Variants in HERC2 observed in about 807,000 individuals in gnomAD.
HERC2 encodes HECT and RLD domain containing E3 ubiquitin protein ligase 2.
Under a neutral mutation model 537.7 loss-of-function variants are expected in HERC2, and 102 were observed. The observed-to-expected ratio is 0.19, with a 90% CI of 0.16 to 0.22. HERC2 has a LOEUF of 0.22. HERC2 is among the 10% of genes least tolerant of loss of function. The pLI is 1.00. For synonymous variants in HERC2, 2,224 were observed against 2,466.2 expected (o/e 0.90, Z 2.91); for missense variants, 4,236 against 6,198.2 (o/e 0.68, Z 10.63).
intron 70 of HERC2, among the ~76,000 whole-genome samples, chr15:28,147,507 C>T (rs1299754429): frequency 6.6e-6 from 1 of 151,592 alleles, no homozygotes; most frequent in Non-Finnish European, 1.5e-5. Context: ...ATTAGCTGGG[C>T]ACGGCCTATA....
chr15:28,169,289 A>T (rs1002047675), intron 66 of HERC2, among the ~76,000 whole-genome samples, 195 bp downstream of exon 66: 2 of 152,246 alleles, frequency 1.3e-5, no homozygotes, highest in African/African-American at 4.8e-5. Context: ...TTTCTAATTC[A>T]TATTTCAATG....
chr15:28,217,069 C>T (rs1308689881), intron 38 of HERC2, among the ~76,000 whole-genome samples: 2 of 152,190 alleles, frequency 1.3e-5, no homozygotes, highest in East Asian at 3.8e-4. Flanking sequence ...CACTCATACA[C>T]ATTTACACAA....
At chr15:28,173,942 C>T (rs942674628) in intron 65 of HERC2, among the ~76,000 whole-genome samples, 53 of 151,876 alleles carry the variant, frequency 3.5e-4, no homozygotes, top group South Asian at 2.1e-4. Flanking sequence ...CAGAGAGGAA[C>T]GCTGGGGTAG....
intron 69 of HERC2, among the ~76,000 whole-genome samples, chr15:28,162,050 C>T (rs751930096): frequency 5.9e-5 from 9 of 152,126 alleles, no homozygotes; most frequent in South Asian, 2.1e-4. Flanking sequence ...AGAAGAAGGC[C>T]GGGCATGGTG....
intron 57 of HERC2, among the ~76,000 whole-genome samples, chr15:28,180,392 C>G (rs1201786178): frequency 6.6e-6 from 1 of 152,194 alleles, no homozygotes; most frequent in African/African-American, 2.4e-5. Flanking sequence ...ATATCCCCAT[C>G]ATTAAGTAAT....
At chr15:28,167,595 T>TAGAC in intron 68 of HERC2, 92 bp downstream of exon 68, 1 of 1,474,548 alleles carries the variant, frequency 6.8e-7, no homozygotes, top group Non-Finnish European at 9.5e-7. Context: ...GGGATAGGAA[T>TAGAC]AGACTGTGTT....
chr15:28,193,892 G>A (rs1300589236), intron 52 of HERC2, among the ~76,000 whole-genome samples: 1 of 151,992 alleles, frequency 6.6e-6, no homozygotes, highest in Non-Finnish European at 1.5e-5. Context: ...AACCCACAAA[G>A]ACACATTTTT....
chr15:28,320,791 C>T (rs2077209229), intron 2 of HERC2, among the ~76,000 whole-genome samples: 1 of 151,966 alleles, frequency 6.6e-6, no homozygotes, highest in South Asian at 2.1e-4. Flanking sequence ...GCAGTTATCT[C>T]ATTAAATCAA....
chr15:28,148,652 C>A (rs1892025582), intron 70 of HERC2, among the ~76,000 whole-genome samples: 1 of 150,306 alleles, frequency 6.7e-6, no homozygotes, highest in Non-Finnish European at 1.5e-5. Flanking sequence ...AACGGCCACA[C>A]GAACGCACAT....
At position 28,191,963 on chromosome 15, in the gene HERC2, T is replaced by C; in HGVS notation, c.8449A>G (p.Lys2817Glu). Reference protein sequence around the residue: ...PCWQSSGSQGKHWIRLEIFPD... With the variant: ...PCWQSSGSQGEHWIRLEIFPD... Reference sequence around the variant, plus strand: ...TGCTGTGCCCTATTAGATGCTACCTTTCCTTGCGACCCCGATGACTGCCAG... The same window carrying C: ...TGCTGTGCCCTATTAGATGCTACCTCTCCTTGCGACCCCGATGACTGCCAG... Residue 2817 changes from lysine to glutamate, a missense_variant and splice_region_variant, in exon 53 of 93, where the codon AAG (lysine) becomes GAG (glutamate). Physicochemically the swap from Lys to Glu is moderately conservative, Grantham distance 56 (BLOSUM62 1). This residue lies in a region of HERC2 where 606 missense variants were observed against 884.5 expected (regional missense o/e 0.69). Transcript: ENST00000261609. The C allele has an allele frequency of 6.2e-7, 1 of 1,612,920 alleles. No individual in the cohort carries two copies. The highest frequency in any genetic ancestry group is 8.5e-7 in the Non-Finnish European group (1 of 1,179,738).
At chr15:28,189,979 T>C (rs1423812245) in intron 55 of HERC2, among the ~76,000 whole-genome samples, 1 of 151,674 alleles carries the variant, frequency 6.6e-6, no homozygotes, top group East Asian at 1.9e-4. Context: ...ACAGTATACA[T>C]AGTACAAAAA....
Position 28,142,848 on chromosome 15 carries a change from C to T in HERC2, c.11523G>A (p.Leu3841=). The T allele has an allele frequency of 1.3e-6, 2 of 1,576,952 alleles. No individual in the cohort carries two copies. The highest frequency in any genetic ancestry group is 2.3e-5 in the South Asian group (2 of 88,544). ...TTACCTTAAAGAATGGGCTGTGGAG[C>T]AGCTGTTTGCCACCCCTCACAATAG... The part of the protein sequence containing the change: ...EDPIVRGGKQ[L]LHSPFFKVLV... Residue 3841 remains leucine (L), a synonymous_variant, in exon 75 of 93, where the codon CTG becomes CTA. Transcript: ENST00000261609.
intron 39 of HERC2, among the ~76,000 whole-genome samples, chr15:28,215,082 T>A (rs1051878001): frequency 1.6e-4 from 25 of 152,138 alleles, no homozygotes; most frequent in Admixed American, 1.2e-3. Flanking sequence ...TTTCACTATG[T>A]TGGCCAGGCT....
At chr15:28,237,495 G>A (rs1274517116) in intron 25 of HERC2, among the ~76,000 whole-genome samples, 1 of 152,198 alleles carries the variant, frequency 6.6e-6, no homozygotes, top group Non-Finnish European at 1.5e-5. Context: ...AGTATTCGAT[G>A]ACAAGTATTA....
In HERC2 at chr15:28,175,177, C is replaced by G. The variant is rs528644618; in HGVS notation, c.9831+335G>C. 2.0e-5 allele frequency among the ~76,000 whole-genome samples: 3 copies of G among 151,954 alleles called. No homozygotes were observed. In the South Asian group the frequency reaches 6.2e-4, roughly 32 times the overall value. ...CTGTCTCTAAAATGAGGCATGGATCCCTCCTCGCCAGTTACCAATTCTCTA... is the reference window on the plus strand; with the variant it reads ...CTGTCTCTAAAATGAGGCATGGATCGCTCCTCGCCAGTTACCAATTCTCTA... On this transcript the variant is annotated intron_variant, in intron 64 of 92. Coordinates refer to ENST00000261609, the MANE Select transcript of HERC2 (RefSeq NM_004667.6).
intron 38 of HERC2, among the ~76,000 whole-genome samples, chr15:28,218,108 G>A (rs13379587): frequency 0.21 from 31,581 of 149,614 alleles, 6,757 homozygotes; most frequent in African/African-American, 0.54. Context: ...TGATGAGGTT[G>A]AATGATGTCC....
intron 68 of HERC2, among the ~76,000 whole-genome samples, chr15:28,165,543 G>C (rs1461451533): frequency 6.6e-6 from 1 of 151,856 alleles, no homozygotes; most frequent in African/African-American, 2.4e-5. Context: ...TGTAATCCCA[G>C]CACTTTGAGA....
chr15:28,246,754 C>A lies in HERC2; in HGVS notation c.3379G>T (p.Gly1127Trp). 6.3e-7 allele frequency: 1 copy of A among 1,585,868 alleles called. No individual in the cohort carries two copies. The highest frequency in any genetic ancestry group is 1.2e-5 in the South Asian group (1 of 85,972). The change falls in exon 22 of 93, where the codon GGG (glycine) becomes TGG (tryptophan). Residue 1127 changes from glycine (G) to tryptophan (W), a missense_variant. Coordinates refer to ENST00000261609, the MANE Select transcript of HERC2 (RefSeq NM_004667.6). ...AAACAAAAGGTACCAGTAAAGTCCC[C>A]TTCCACAATGTAAGCCACCTCCGCG... ...HFAEVAYIVE[G>W]DFTGVLLPEL...
chr15:28,112,989 C>T, intron 92 of HERC2, 82 bp downstream of exon 92: 1 of 1,125,374 alleles, frequency 8.9e-7, no homozygotes, highest in South Asian at 1.4e-5. Context: ...TTTCCATGTG[C>T]TGCAGGACTG....
Sources: gnomAD v4.1 joint callset for allele counts (sites outside exome capture counted in the v4.1 genomes callset) on GRCh38, gnomAD v4.1.1 for gene constraint, gnomAD v4.1.1 regional missense constraint, MANE v1.5 for transcripts, NCBI Gene and HGNC (gene_info 2026-07-23, HGNC 2026-07-21) for gene names.